The following CFDP1 variants were observed in gnomAD, a reference collection of about 807,000 sequenced individuals.
The protein encoded by CFDP1 is heterochromatin-stabilizing protein CFDP1.
CFDP1 carries 31 observed loss-of-function variants against 40.1 expected under a neutral mutation model. The ratio of observed to expected loss-of-function variants is 0.77; its 90% CI spans 0.58 to 1.04. The LOEUF (loss-of-function observed/expected upper bound fraction) is 1.04, where lower values mean the gene tolerates loss of function less well. Ranked by LOEUF, CFDP1 falls within the 50% of genes least tolerant of loss-of-function variation. CFDP1 has a pLI of 0.00. For missense variants in CFDP1, 423 were observed against 343.4 expected (o/e 1.23, Z -1.83); for synonymous variants, 167 against 120.0 (o/e 1.39, Z -2.56).
intron 1 of CFDP1, among the ~76,000 whole-genome samples, 153 bp downstream of exon 1, chr16:75,433,136 C>G (rs2079444930): frequency 6.6e-6 from 1 of 152,214 alleles, no homozygotes; most frequent in African/African-American, 2.4e-5. Flanking sequence ...CCGGAGCGGC[C>G]GAGGATGAGG....
At chr16:75,417,925 G>A (rs986696441) in intron 1 of CFDP1, among the ~76,000 whole-genome samples, 1 of 151,854 alleles carries the variant, frequency 6.6e-6, no homozygotes, top group Non-Finnish European at 1.5e-5. Context: ...TAGGAATCTA[G>A]ATCTTCAGAA....
chr16:75,305,270 G>GCC, intron 5 of CFDP1, 88 bp from the exon 6 acceptor site: 2 of 1,335,052 alleles, frequency 1.5e-6, no homozygotes, highest in Non-Finnish European at 2.1e-6. Flanking sequence ...GAATCCCCTA[G>GCC]ATTGGGGCCA....
chr16:75,412,254 A>G (rs1004619679), intron 3 of CFDP1, among the ~76,000 whole-genome samples: 1 of 152,100 alleles, frequency 6.6e-6, no homozygotes, highest in African/African-American at 2.4e-5. Context: ...CCTGACCTCA[A>G]ATGATCCACC....
intron 1 of CFDP1, among the ~76,000 whole-genome samples, chr16:75,423,855 G>A (rs1456738319): frequency 1.3e-5 from 2 of 152,136 alleles, no homozygotes; most frequent in Non-Finnish European, 2.9e-5. Context: ...GTGAGCAACT[G>A]CACCCAGCCT....
rs561905325 is a variant in CFDP1, at chr16:75,358,161, A to C, written c.650+36929T>G. 1.5e-3 allele frequency among the ~76,000 whole-genome samples: 233 copies of C among 152,306 alleles called. 2 individuals are homozygous for C. In the South Asian group the frequency reaches 0.02, roughly 13 times the overall value. On this transcript the variant is annotated intron_variant, in intron 5 of 6. Transcript: ENST00000283882. ...CATAATAATATAATAATAATGAAAA[A>C]ATTTGAGATATTATGAGAATTACCA... is the stretch of plus-strand genomic sequence containing the variant.
intron 5 of CFDP1, among the ~76,000 whole-genome samples, chr16:75,343,048 C>T (rs2078537442): frequency 1.3e-5 from 2 of 152,022 alleles, no homozygotes; most frequent in Admixed American, 1.3e-4. Flanking sequence ...ACTCTGAGCT[C>T]CCTGGAAGAA....
intron 5 of CFDP1, among the ~76,000 whole-genome samples, chr16:75,369,310 A>C (rs1176432073): frequency 6.6e-6 from 1 of 151,702 alleles, no homozygotes; most frequent in African/African-American, 2.4e-5. Flanking sequence ...CAAGCACTTT[A>C]GGAGGTCAAG....
At chr16:75,332,170 A>G (rs1252596917) in intron 5 of CFDP1, among the ~76,000 whole-genome samples, 1 of 152,190 alleles carries the variant, frequency 6.6e-6, no homozygotes, top group African/African-American at 2.4e-5. Context: ...ACCCTCTACG[A>G]AAAATAAAAT....
At chr16:75,341,007 A>C (rs967663713) in intron 5 of CFDP1, among the ~76,000 whole-genome samples, 1 of 152,130 alleles carries the variant, frequency 6.6e-6, no homozygotes, top group Admixed American at 6.6e-5. Context: ...GAAGTAAAAA[A>C]AATATTTTCA....
chr16:75,393,457 C>A (rs1356887217), intron 5 of CFDP1, among the ~76,000 whole-genome samples: 4 of 152,116 alleles, frequency 2.6e-5, no homozygotes, highest in Non-Finnish European at 4.4e-5. Context: ...AAAAAGCTCA[C>A]ACTTTTTTAG....
chr16:75,338,368 C>G (rs1244983347), intron 5 of CFDP1, among the ~76,000 whole-genome samples: 2 of 152,108 alleles, frequency 1.3e-5, no homozygotes, highest in Admixed American at 1.3e-4. Flanking sequence ...TGAAAGGAAC[C>G]AATGGGTTCT....
At chr16:75,371,625 A>G (rs1024723461) in intron 5 of CFDP1, among the ~76,000 whole-genome samples, 1 of 152,230 alleles carries the variant, frequency 6.6e-6, no homozygotes, top group African/African-American at 2.4e-5. Context: ...AAATATTACT[A>G]TAGCCTAACA....
chr16:75,433,266 T>C (rs1190674599), intron 1 of CFDP1, 23 bp downstream of exon 1: 2 of 1,585,198 alleles, frequency 1.3e-6, no homozygotes, highest in Admixed American at 3.5e-5. Flanking sequence ...AATTCGCTTC[T>C]CGCCTCAGGC....
chr16:75,380,518 T>G (rs770092651), intron 5 of CFDP1, among the ~76,000 whole-genome samples: 20 of 150,142 alleles, frequency 1.3e-4, no homozygotes, highest in Non-Finnish European at 2.8e-4. Flanking sequence ...AGGCTAAAAG[T>G]GGAAAGTCAA....
chr16:75,297,165 T>C (rs2078188963), intron 6 of CFDP1, among the ~76,000 whole-genome samples: 1 of 130,788 alleles, frequency 7.6e-6, no homozygotes, highest in Non-Finnish European at 1.7e-5. Flanking sequence ...TGTGTGTGTG[T>C]CTGTGTGTGT....
intron 4 of CFDP1, among the ~76,000 whole-genome samples, chr16:75,397,942 A>C (rs2079011462): frequency 6.6e-6 from 1 of 152,260 alleles, no homozygotes; most frequent in African/African-American, 2.4e-5. Context: ...CAGAAGCTTA[A>C]ACATGTTTGT....
rs757170227 is a variant in CFDP1, at chr16:75,411,815, G to A, written c.530+10C>T. On this transcript the variant is annotated intron_variant, in intron 4 of 6. Transcript: ENST00000283882. ...AATGCTAGTTTCAAAGTTTTTGAAG[G>A]TTCTCTTACCTTACTTCTTCACCAG... 2 of 1,605,096 alleles carry A rather than the reference G, an allele frequency of 1.2e-6. No homozygotes were observed. Among genetic ancestry groups the A allele is most frequent in the Non-Finnish European group, 1.7e-6 (2 of 1,178,006 alleles).
At chr16:75,308,670 A>ATTT (rs2078274162) in intron 5 of CFDP1, among the ~76,000 whole-genome samples, 1 of 152,168 alleles carries the variant, frequency 6.6e-6, no homozygotes, top group Non-Finnish European at 1.5e-5. Flanking sequence ...AAGGGGAACA[A>ATTT]TTCACTTTTA....
intron 1 of CFDP1, among the ~76,000 whole-genome samples, chr16:75,415,459 C>T (rs1005941822): frequency 2.6e-5 from 4 of 152,170 alleles, no homozygotes; most frequent in Non-Finnish European, 5.9e-5. Context: ...TAACCAGGGC[C>T]CCAGCTCGAG....
Sources: allele counts gnomAD v4.1 joint callset (sites outside exome capture counted in the v4.1 genomes callset), GRCh38; gene constraint gnomAD v4.1.1; transcripts MANE v1.5; gene names NCBI Gene and HGNC (gene_info 2026-07-23, HGNC 2026-07-21).